Variants in FBXO36 observed in about 807,000 individuals in gnomAD.
FBXO36 encodes the protein F-box only protein 36.
FBXO36 carries 18 observed loss-of-function variants against 17.0 expected under a neutral mutation model. That is an observed-to-expected ratio of 1.06 (90% CI 0.73 to 1.57). FBXO36 has a LOEUF of 1.57. Among genes scored for constraint, FBXO36 ranks in the 40% most tolerant of loss-of-function variants. The probability of loss-of-function intolerance (pLI) is 0.00; values close to 1 mark genes in which losing one functional copy is unlikely to be tolerated. For synonymous variants in FBXO36, 83 were observed against 85.3 expected, an observed-to-expected ratio of 0.97 and a Z score of 0.15; for missense variants, 229 against 221.9, an observed-to-expected ratio of 1.03 and a Z score of -0.20.
chr2:229,925,472 T>C (rs1015451426), intron 1 of FBXO36, among the ~76,000 whole-genome samples: 3 of 152,226 alleles, frequency 2.0e-5, no homozygotes, highest in Non-Finnish European at 2.9e-5. Flanking sequence ...CATTAAAATA[T>C]GTTTTATAAG....
intron 3 of FBXO36, among the ~76,000 whole-genome samples, chr2:230,002,065 T>C (rs1278798782): frequency 1.3e-5 from 2 of 152,178 alleles, no homozygotes; most frequent in Non-Finnish European, 2.9e-5. Flanking sequence ...CTCGAACTCC[T>C]GACCTCAAGT....
At chr2:229,956,805 G>A (rs2077090442) in intron 1 of FBXO36, among the ~76,000 whole-genome samples, 1 of 152,174 alleles carries the variant, frequency 6.6e-6, no homozygotes, top group Admixed American at 6.6e-5. Flanking sequence ...AAAGAGACTA[G>A]TTCTCCTTTA....
chr2:229,973,920 C>T (rs993699376), intron 1 of FBXO36, among the ~76,000 whole-genome samples: 7 of 147,916 alleles, frequency 4.7e-5, no homozygotes, highest in South Asian at 2.2e-4. Context: ...GGTGGTGGCA[C>T]GCGCCTGTGG....
intron 1 of FBXO36, among the ~76,000 whole-genome samples, chr2:229,931,415 C>T (rs2076937799): frequency 6.6e-6 from 1 of 152,134 alleles, no homozygotes; most frequent in Non-Finnish European, 1.5e-5. Flanking sequence ...AGTCACGGAT[C>T]CTTTCATTCC....
intron 3 of FBXO36, among the ~76,000 whole-genome samples, chr2:229,999,599 A>G (rs912633926): frequency 1.3e-5 from 2 of 149,880 alleles, no homozygotes; most frequent in African/African-American, 4.9e-5. Context: ...GTTGCTCTTG[A>G]ACTCCTGGGC....
At chr2:229,971,124 C>T (rs1399792710) in intron 1 of FBXO36, among the ~76,000 whole-genome samples, 3 of 152,164 alleles carry the variant, frequency 2.0e-5, no homozygotes, top group East Asian at 3.9e-4. Context: ...TAGGCCGAGG[C>T]GGGCAGATCA....
At chr2:229,979,416 G>A (rs1224147155) in intron 2 of FBXO36, among the ~76,000 whole-genome samples, 1 of 151,814 alleles carries the variant, frequency 6.6e-6, no homozygotes, top group African/African-American at 2.4e-5. Flanking sequence ...ATATATAAAT[G>A]TGATAGTTTG....
intron 1 of FBXO36, among the ~76,000 whole-genome samples, chr2:229,952,395 T>C (rs938918248): frequency 3.3e-5 from 5 of 152,208 alleles, no homozygotes; most frequent in Non-Finnish European, 7.3e-5. Context: ...GGTTAGAATA[T>C]GCAGAGTCCA....
At chr2:229,981,744 A>G (rs1232936761) in intron 2 of FBXO36, among the ~76,000 whole-genome samples, 1 of 152,024 alleles carries the variant, frequency 6.6e-6, no homozygotes, top group Non-Finnish European at 1.5e-5. Flanking sequence ...AAAAGAAAAA[A>G]AAAATTCCCA....
At chr2:229,975,420 CAG>C (rs1214219851) in intron 1 of FBXO36, among the ~76,000 whole-genome samples, 3 of 151,722 alleles carry the variant, frequency 2.0e-5, no homozygotes, top group East Asian at 3.9e-4. Flanking sequence ...CTTCCGGAAA[CAG>C]ATAACCATTT....
chr2:229,930,928 T>G (rs1192003818), intron 1 of FBXO36, among the ~76,000 whole-genome samples: 2 of 152,144 alleles, frequency 1.3e-5, no homozygotes, highest in Non-Finnish European at 2.9e-5. Context: ...TTCCCTGCCC[T>G]ACAGGTTAGG....
intron 3 of FBXO36, among the ~76,000 whole-genome samples, chr2:230,009,520 CA>C (rs2077403789): frequency 6.6e-6 from 1 of 152,160 alleles, no homozygotes; most frequent in South Asian, 2.1e-4. Context: ...CTTTCAAGAC[CA>C]AGAAGTGCTC....
rs924991053 is a variant in FBXO36, at chr2:229,951,037, G to T, written c.97-25204G>T. Among the ~76,000 whole-genome samples, 5 of 152,060 alleles carry T rather than the reference G, an allele frequency of 3.3e-5. No homozygotes were observed. In the East Asian group the frequency reaches 9.6e-4, roughly 29 times the overall value. On this transcript the variant is annotated intron_variant, in intron 1 of 3. Transcript: ENST00000283946. Reference sequence around the variant, plus strand: ...CAACCTCCGCCTCCTGGGTTCAAGCGATTCTCCTGCCTCAGCCTCCCGAGT... The same window carrying T: ...CAACCTCCGCCTCCTGGGTTCAAGCTATTCTCCTGCCTCAGCCTCCCGAGT...
chr2:229,931,376 G>A (rs982363381), intron 1 of FBXO36, among the ~76,000 whole-genome samples: 1 of 152,136 alleles, frequency 6.6e-6, no homozygotes, highest in Admixed American at 6.6e-5. Context: ...ATTATATGGG[G>A]CAGTAGAGCA....
At chr2:229,998,084 A>G (rs2077336884) in intron 3 of FBXO36, among the ~76,000 whole-genome samples, 1 of 152,226 alleles carries the variant, frequency 6.6e-6, no homozygotes, top group South Asian at 2.1e-4. Flanking sequence ...ATAAAAGAAC[A>G]TACAACATTT....
chr2:229,994,906 G>A (rs1052926708), intron 2 of FBXO36, among the ~76,000 whole-genome samples: 1 of 151,840 alleles, frequency 6.6e-6, no homozygotes, highest in Non-Finnish European at 1.5e-5. Context: ...ACCAGGTCAG[G>A]AGTTCGAGAC....
chr2:229,936,185 C>CA (rs1051473091), intron 1 of FBXO36, among the ~76,000 whole-genome samples: 1 of 151,926 alleles, frequency 6.6e-6, no homozygotes, highest in Non-Finnish European at 1.5e-5. Context: ...AACTCCGTCT[C>CA]AAAAAACAAA....
chr2:229,944,869 A>G (rs768038423), intron 1 of FBXO36, among the ~76,000 whole-genome samples: 19 of 152,208 alleles, frequency 1.2e-4, no homozygotes, highest in Non-Finnish European at 2.5e-4. Context: ...CTGGGATTAC[A>G]GGCGTGAGCC....
At chr2:229,937,734 C>G (rs1403467405) in intron 1 of FBXO36, 1 of 152,118 alleles carries the variant, frequency 6.6e-6, no homozygotes, top group Non-Finnish European at 1.5e-5. Context: ...CAAGGCCACA[C>G]CCTGCATAAC....
Sources: gnomAD v4.1 joint callset for allele counts (sites outside exome capture counted in the v4.1 genomes callset) on GRCh38, gnomAD v4.1.1 for gene constraint, MANE v1.5 for transcripts, NCBI Gene and HGNC (gene_info 2026-07-23, HGNC 2026-07-21) for gene names.